Variants in ERICH6B observed in about 807,000 individuals in gnomAD.
The protein encoded by ERICH6B is glutamate rich 6B.
A neutral mutation model predicts 80.0 loss-of-function variants in ERICH6B; 69 were observed. The ratio of observed to expected loss-of-function variants is 0.86; its 90% CI spans 0.71 to 1.05. The LOEUF (loss-of-function observed/expected upper bound fraction) is 1.05, where lower values mean the gene tolerates loss of function less well. Ranked by LOEUF, ERICH6B falls within the 50% of genes least tolerant of loss-of-function variation. ERICH6B has a pLI of 0.00. For missense variants in ERICH6B, 754 were observed against 796.1 expected (o/e 0.95, Z 0.64); for synonymous variants, 283 against 291.9 (o/e 0.97, Z 0.31).
At chr13:45,586,618 T>A (rs1875914303) in intron 5 of ERICH6B, among the ~76,000 whole-genome samples, 1 of 152,034 alleles carries the variant, frequency 6.6e-6, no homozygotes, top group Non-Finnish European at 1.5e-5. Flanking sequence ...ACTGAGACTG[T>A]CTGAGGTGGG....
intron 9 of ERICH6B, among the ~76,000 whole-genome samples, 182 bp from the exon 10 acceptor site, chr13:45,563,970 A>C (rs976091585): frequency 6.6e-6 from 1 of 152,200 alleles, no homozygotes; most frequent in African/African-American, 2.4e-5. Context: ...GGGATGGTGC[A>C]TGATATCCAT....
intron 9 of ERICH6B, 75 bp from the exon 10 acceptor site, chr13:45,563,863 A>T: frequency 1.6e-6 from 2 of 1,230,992 alleles, no homozygotes; most frequent in Admixed American, 2.1e-5. Flanking sequence ...CAGTGCAGAC[A>T]GTACTGGAGC....
intron 7 of ERICH6B, among the ~76,000 whole-genome samples, chr13:45,576,415 T>C (rs2137995804): frequency 6.6e-6 from 1 of 152,308 alleles, no homozygotes; most frequent in Middle Eastern, 3.4e-3. Context: ...AAAAACACTA[T>C]GTGTTCCCGA....
intron 2 of ERICH6B, among the ~76,000 whole-genome samples, chr13:45,600,064 G>A (rs1280541872): frequency 1.3e-5 from 2 of 152,192 alleles, no homozygotes; most frequent in African/African-American, 4.8e-5. Flanking sequence ...GGGGCAAAGG[G>A]TGAGCTACGG....
intron 7 of ERICH6B, among the ~76,000 whole-genome samples, chr13:45,578,462 T>C (rs1372857989): frequency 2.6e-5 from 4 of 152,258 alleles, no homozygotes; most frequent in African/African-American, 4.8e-5. Context: ...ATGTTAATGA[T>C]AATTTTTTCT....
chr13:45,574,881 C>T lies in ERICH6B; in HGVS notation c.1011G>A (p.Glu337=). The change falls in exon 8 of 15, where the codon GAG becomes GAA. Residue 337 remains glutamate (E), a synonymous_variant. Transcript: ENST00000298738. The part of the protein sequence containing the change: ...KENFWDGITD[E]SIDKLEVEDL... ...CTTCCACTTCCAGCTTGTCAATGGA[C>T]TCATCTGTTATACCATCCCAAAAGT... is the stretch of plus-strand genomic sequence containing the variant. The T allele has an allele frequency of 1.3e-6, 2 of 1,551,434 alleles. No individual in the cohort carries two copies. The highest frequency in any genetic ancestry group is 1.7e-6 in the Non-Finnish European group (2 of 1,146,934).
intron 2 of ERICH6B, among the ~76,000 whole-genome samples, chr13:45,606,505 G>GTGTGTATATA (rs1374963790): frequency 3.5e-5 from 1 of 28,706 alleles, no homozygotes; most frequent in Non-Finnish European, 5.4e-5. Flanking sequence ...AAGTGTATGT[G>GTGTGTATATA]TATATATATA....
chr13:45,595,000 C>T (rs1876303041), intron 3 of ERICH6B, among the ~76,000 whole-genome samples: 1 of 152,136 alleles, frequency 6.6e-6, no homozygotes, highest in Admixed American at 6.5e-5. Context: ...TAATAAAACC[C>T]AACATGAGGA....
intron 5 of ERICH6B, among the ~76,000 whole-genome samples, chr13:45,583,762 G>A (rs1161750711): frequency 1.3e-5 from 2 of 152,198 alleles, no homozygotes; most frequent in Non-Finnish European, 2.9e-5. Flanking sequence ...TCTCTTGCCT[G>A]CTGCCATGTA....
rs949868536 is a variant in ERICH6B at position 45,596,907 on chromosome 13, A to G, written c.99T>C (p.Asp33=). ...TTTCCTCATCTAGTTCTACTTCAGT[A>G]TCCTCTTTCTCTGAAGGCAAGTTCT... The part of the protein sequence containing the change: ...STQNLPSEKE[D]TEVELDEESL... The change falls in exon 3 of 15, where the codon GAT becomes GAC. Residue 33 remains aspartate, a synonymous_variant. Transcript: ENST00000298738. 30 of 1,551,686 alleles carry G rather than the reference A, an allele frequency of 1.9e-5. No homozygotes were observed. Among genetic ancestry groups the G allele is most frequent in the Non-Finnish European group, 2.6e-5 (30 of 1,147,028 alleles).
intron 1 of ERICH6B, among the ~76,000 whole-genome samples, chr13:45,615,035 T>A (rs2138046032): frequency 6.6e-6 from 1 of 152,386 alleles, no homozygotes; most frequent in Non-Finnish European, 1.5e-5. Flanking sequence ...ACCTTTTTTA[T>A]AAATAGAATT....
chr13:45,594,067 A>T (rs528947291), intron 3 of ERICH6B, among the ~76,000 whole-genome samples: 23 of 152,348 alleles, frequency 1.5e-4, no homozygotes, highest in African/African-American at 5.3e-4. Context: ...TTAGTCACTG[A>T]GGTTCAACAC....
intron 7 of ERICH6B, among the ~76,000 whole-genome samples, chr13:45,578,549 C>T (rs1329333273): frequency 2.0e-5 from 3 of 152,208 alleles, no homozygotes; most frequent in Non-Finnish European, 2.9e-5. Context: ...AGCTCCAAAG[C>T]GAGCAACCCA....
At chr13:45,607,322 A>G (rs1013899216) in intron 2 of ERICH6B, among the ~76,000 whole-genome samples, 1 of 152,228 alleles carries the variant, frequency 6.6e-6, no homozygotes, top group Non-Finnish European at 1.5e-5. Flanking sequence ...TGGAAGCCCT[A>G]CTGGTGGTAT....
At chr13:45,563,688 G>T (rs1251743667) in intron 10 of ERICH6B, 39 bp downstream of exon 10, 2 of 1,521,896 alleles carry the variant, frequency 1.3e-6, no homozygotes, top group Non-Finnish European at 1.8e-6. Flanking sequence ...GCAGACAGGA[G>T]AGCCAGCACG....
At chr13:45,580,875 G>A (rs1442356365) in intron 5 of ERICH6B, among the ~76,000 whole-genome samples, 1 of 152,172 alleles carries the variant, frequency 6.6e-6, no homozygotes, top group African/African-American at 2.4e-5. Flanking sequence ...CTCTAGGATT[G>A]CAATAAATTA....
chr13:45,601,166 G>A (rs1403149711), intron 2 of ERICH6B, among the ~76,000 whole-genome samples: 1 of 152,124 alleles, frequency 6.6e-6, no homozygotes, highest in African/African-American at 2.4e-5. Flanking sequence ...GTCCTTGGCT[G>A]TAAATTTCCA....
intron 11 of ERICH6B, among the ~76,000 whole-genome samples, chr13:45,557,134 T>G (rs958912985): frequency 6.6e-6 from 1 of 152,196 alleles, no homozygotes; most frequent in African/African-American, 2.4e-5. Flanking sequence ...GGCCCATTCT[T>G]GCAGGAGTAA....
At position 45,604,920 on chromosome 13, in the gene ERICH6B, A is replaced by G. The variant is rs184402726; in HGVS notation, c.-59+2644T>C. ...TTTCGAGACCCTGTCTCAAAAGAAC[A>G]AAACAAAACAAACCAAATCCAAGAA... On this transcript the variant is annotated intron_variant, in intron 2 of 14. Coordinates refer to ENST00000298738, the MANE Select transcript of ERICH6B (RefSeq NM_182542.3). Among the ~76,000 whole-genome samples, 4 of 152,302 alleles carry G rather than the reference A, an allele frequency of 2.6e-5. No individual in the cohort carries two copies. The East Asian group carries it at 7.7e-4, about 29-fold the overall frequency.
Sources: gnomAD v4.1 joint callset for allele counts (sites outside exome capture counted in the v4.1 genomes callset) on GRCh38, gnomAD v4.1.1 for gene constraint, MANE v1.5 for transcripts, NCBI Gene and HGNC (gene_info 2026-07-23, HGNC 2026-07-21) for gene names.